COL4A2: variants seen among roughly 807,000 people sequenced by gnomAD.
COL4A2 encodes the protein collagen alpha-2(IV) chain.
COL4A2 carries 99 observed loss-of-function variants against 200.2 expected under a neutral mutation model. The ratio of observed to expected loss-of-function variants is 0.49; its 90% CI spans 0.42 to 0.58. COL4A2 has a LOEUF of 0.58. Among genes scored for constraint, COL4A2 ranks in the 20% least tolerant of loss-of-function variants. The probability of loss-of-function intolerance (pLI) is 0.00; values close to 1 mark genes in which losing one functional copy is unlikely to be tolerated. For missense variants in COL4A2, 1,950 were observed against 2,314.1 expected, an observed-to-expected ratio of 0.84 and a Z score of 3.23; for synonymous variants, 897 against 900.6, an observed-to-expected ratio of 1.00 and a Z score of 0.07.
At chr13:110,444,850 A>G (rs561188977) in intron 16 of COL4A2, among the ~76,000 whole-genome samples, 16 of 152,284 alleles carry the variant, frequency 1.1e-4, no homozygotes, top group Admixed American at 9.8e-4. Context: ...ACTTAGTGTT[A>G]TAGTTGTTTT....
At chr13:110,432,275 G>A in intron 10 of COL4A2, 50 bp from the exon 11 acceptor site, 3 of 1,569,526 alleles carry the variant, frequency 1.9e-6, no homozygotes, top group Non-Finnish European at 2.6e-6. Context: ...GATGTTATCT[G>A]GGTCCTGGGG....
In COL4A2 at chr13:110,439,800, C is replaced by T; in HGVS notation, c.924C>T (p.Gly308=). ...TTTGTTCATTCCAGGGTTACCCTGG[C>T]TTGAGTGGTGAAAAAGGATCACCAG... ...MGFPGLRGYP[G]LSGEKGSPGQ... Residue 308 remains glycine, a synonymous_variant, in exon 16 of 48, where the codon GGC becomes GGT. Coordinates refer to ENST00000360467, the MANE Select transcript of COL4A2 (RefSeq NM_001846.4). 1 of 1,614,004 alleles carries T rather than the reference C, an allele frequency of 6.2e-7. No individual in the cohort carries two copies. Among genetic ancestry groups the T allele is most frequent in the Middle Eastern group, 1.7e-4 (1 of 6,058 alleles).
intron 4 of COL4A2, among the ~76,000 whole-genome samples, chr13:110,424,276 A>T (rs112191942): frequency 6.2e-4 from 94 of 150,648 alleles, no homozygotes; most frequent in African/African-American, 2.2e-3. Flanking sequence ...TTTTCCCTCT[A>T]TGTGAACAAA....
intron 3 of COL4A2, among the ~76,000 whole-genome samples, chr13:110,313,234 C>T (rs1487490213): frequency 2.0e-5 from 3 of 152,200 alleles, no homozygotes; most frequent in Admixed American, 6.5e-5. Context: ...TGCCCACTCC[C>T]TTCAGTTAAT....
At chr13:110,375,448 G>A (rs756659308) in intron 4 of COL4A2, among the ~76,000 whole-genome samples, 3 of 152,184 alleles carry the variant, frequency 2.0e-5, no homozygotes, top group Non-Finnish European at 2.9e-5. Flanking sequence ...GCATTGCAGG[G>A]ACTGTTGGGT....
At chr13:110,481,135 TC>T (rs1645501000) in intron 31 of COL4A2, among the ~76,000 whole-genome samples, 1 of 24,192 alleles carries the variant, frequency 4.1e-5, no homozygotes, top group Non-Finnish European at 8.1e-5. Flanking sequence ...CACAGTTCTG[TC>T]CCTCCATTGC....
chr13:110,437,716 C>T (rs1048505385), intron 13 of COL4A2, among the ~76,000 whole-genome samples: 10 of 152,076 alleles, frequency 6.6e-5, no homozygotes, highest in African/African-American at 2.2e-4. Context: ...CTGCCTGGAA[C>T]GGTGTGGGGG....
chr13:110,404,684 A>G (rs1594194640), intron 4 of COL4A2, among the ~76,000 whole-genome samples: 1 of 152,342 alleles, frequency 6.6e-6, no homozygotes, highest in East Asian at 1.9e-4. Flanking sequence ...GAGTCCAGGA[A>G]GGAATCCCTG....
intron 20 of COL4A2, among the ~76,000 whole-genome samples, chr13:110,452,229 G>A (rs1881564351): frequency 6.6e-6 from 1 of 152,230 alleles, no homozygotes; most frequent in Non-Finnish European, 1.5e-5. Flanking sequence ...CGCCTCCCGG[G>A]TTCGTTCCAT....
chr13:110,413,607 A>G (rs1879931382), intron 4 of COL4A2, among the ~76,000 whole-genome samples: 1 of 152,216 alleles, frequency 6.6e-6, no homozygotes, highest in South Asian at 2.1e-4. Context: ...TGGAGAGTGC[A>G]GTGCACTGTG....
At chr13:110,339,369 C>T in intron 3 of COL4A2, among the ~76,000 whole-genome samples, 1 of 152,192 alleles carries the variant, frequency 6.6e-6, no homozygotes, top group East Asian at 1.9e-4. Context: ...GGGGCTTCAT[C>T]TTAGGGAAGT....
intron 16 of COL4A2, among the ~76,000 whole-genome samples, chr13:110,442,235 T>C (rs912453010): frequency 6.6e-6 from 1 of 151,934 alleles, no homozygotes; most frequent in South Asian, 2.1e-4. Flanking sequence ...TGGTGAGGCG[T>C]CAGGCTTTCA....
chr13:110,385,452 GCAGTGTGTGGATAGGCCGTGGTTA>G (rs1566504891), intron 4 of COL4A2, among the ~76,000 whole-genome samples: 767 of 54,040 alleles, frequency 0.014, 8 homozygotes, highest in African/African-American at 0.054. Context: ...GACCGTGGCT[GCAGTGTGTGGATAGGCCGTGGTTA>G]CAGTGTGTGG....
At chr13:110,328,752 G>A (rs1014068641) in intron 3 of COL4A2, among the ~76,000 whole-genome samples, 8 of 152,196 alleles carry the variant, frequency 5.3e-5, no homozygotes, top group Non-Finnish European at 7.4e-5. Flanking sequence ...GGCGGGCTCC[G>A]TCACCCAGCA....
At position 110,316,278 on chromosome 13, in the gene COL4A2, G is replaced by C. The variant is rs112768498; in HGVS notation, c.99+8155G>C. Among the ~76,000 whole-genome samples the C allele has an allele frequency of 4.4e-3, 673 of 152,302 alleles. 2 individuals carry two copies. Among genetic ancestry groups the C allele is most frequent in the African/African-American group, 0.015 (627 of 41,568 alleles). Reference sequence around the variant, plus strand: ...CCTGACTGTGGAGTAATGGGACCCTGTGAGATCCAGGAAAAGGGCTTCTGT... The same window carrying C: ...CCTGACTGTGGAGTAATGGGACCCTCTGAGATCCAGGAAAAGGGCTTCTGT... On this transcript the variant is annotated intron_variant, in intron 3 of 47. Coordinates refer to ENST00000360467, the MANE Select transcript of COL4A2 (RefSeq NM_001846.4).
Position 110,482,665 on chromosome 13 carries a change from T to A in COL4A2, c.2902+6T>A. The A allele has an allele frequency of 6.2e-7, 1 of 1,613,012 alleles. No homozygotes were observed. The highest frequency in any genetic ancestry group is 8.5e-7 in the Non-Finnish European group (1 of 1,179,186). On this transcript the variant is annotated splice_donor_region_variant and intron_variant, in intron 32 of 47. Transcript: ENST00000360467. ...TGGTGAGCCAGGTTTTAAAGGTATG[T>A]CCCTCTCTTAACATCCTCCTTACCT...
At chr13:110,387,790 G>A (rs1470814851) in intron 4 of COL4A2, among the ~76,000 whole-genome samples, 2 of 152,212 alleles carry the variant, frequency 1.3e-5, no homozygotes, top group African/African-American at 4.8e-5. Flanking sequence ...CTTCTCCCCA[G>A]GCCCCTCCCG....
At chr13:110,334,360 G>A (rs1297082141) in intron 3 of COL4A2, among the ~76,000 whole-genome samples, 1 of 152,188 alleles carries the variant, frequency 6.6e-6, no homozygotes, top group Admixed American at 6.5e-5. Flanking sequence ...TCTGCATGTT[G>A]GAAGTGCCTG....
intron 20 of COL4A2, among the ~76,000 whole-genome samples, chr13:110,451,221 G>A (rs1881528460): frequency 6.6e-6 from 1 of 152,200 alleles, no homozygotes; most frequent in Non-Finnish European, 1.5e-5. Context: ...TGTCAGAAAA[G>A]GCTGTTCTTT....
Sources: gnomAD v4.1 joint callset for allele counts (sites outside exome capture counted in the v4.1 genomes callset) on GRCh38, gnomAD v4.1.1 for gene constraint, MANE v1.5 for transcripts, NCBI Gene and HGNC (gene_info 2026-07-23, HGNC 2026-07-21) for gene names.